The following FAM24B variants were observed in gnomAD, a reference collection of about 807,000 sequenced individuals.
FAM24B encodes family with sequence similarity 24 member B.
In FAM24B, 3 loss-of-function variants were observed where a neutral mutation model predicts 2.3. That is an observed-to-expected ratio of 1.29 (90% CI 0.59 to 3.32). The LOEUF (loss-of-function observed/expected upper bound fraction) is 3.32, where lower values mean the gene tolerates loss of function less well. Among genes scored for constraint, FAM24B ranks in the 30% most tolerant of loss-of-function variants. The probability of loss-of-function intolerance (pLI) is 0.03; values close to 1 mark genes in which losing one functional copy is unlikely to be tolerated. For synonymous variants in FAM24B, 36 were observed against 46.3 expected, an observed-to-expected ratio of 0.78 and a Z score of 0.90; for missense variants, 98 against 117.2, an observed-to-expected ratio of 0.84 and a Z score of 0.76.
intron 2 of FAM24B, among the ~76,000 whole-genome samples, chr10:122,852,001 C>CAA (rs1566247290): frequency 1.3e-5 from 2 of 151,904 alleles, no homozygotes; most frequent in African/African-American, 4.8e-5. Flanking sequence ...TTGGGATTGA[C>CAA]AGAAGAATCA....
At chr10:122,871,321 T>C (rs1363895019) in intron 1 of FAM24B, among the ~76,000 whole-genome samples, 1 of 152,214 alleles carries the variant, frequency 6.6e-6, no homozygotes, top group Non-Finnish European at 1.5e-5. Flanking sequence ...TCCATGCTCA[T>C]GGGTAGGAAG....
chr10:122,856,198 G>A (rs753649054), intron 1 of FAM24B, among the ~76,000 whole-genome samples: 1 of 152,088 alleles, frequency 6.6e-6, no homozygotes, highest in Non-Finnish European at 1.5e-5. Flanking sequence ...TCACATCTTT[G>A]CCATGGCACA....
intron 1 of FAM24B, among the ~76,000 whole-genome samples, chr10:122,867,953 C>T (rs369465551): frequency 6.6e-6 from 1 of 152,214 alleles, no homozygotes; most frequent in South Asian, 2.1e-4. Context: ...ATGACTTTGA[C>T]GAGTTGAGAG....
intron 1 of FAM24B, among the ~76,000 whole-genome samples, chr10:122,877,874 A>G (rs1848001612): frequency 6.6e-6 from 1 of 152,198 alleles, no homozygotes; most frequent in Non-Finnish European, 1.5e-5. Flanking sequence ...TAGAGTTCCC[A>G]AACAACCCCT....
rs190183538 is a variant in FAM24B, at chr10:122,874,517, T to C, written c.-178+4968A>G. On this transcript the variant is annotated intron_variant, in intron 1 of 3. Transcript: ENST00000368898. ...TCCTTCACTTCTGAAAGGTAATTCTTGTGGATACATTCTAGGTTGGTGTGA... is the reference window on the plus strand; with the variant it reads ...TCCTTCACTTCTGAAAGGTAATTCTCGTGGATACATTCTAGGTTGGTGTGA... Among the ~76,000 whole-genome samples the C allele has an allele frequency of 2.6e-5, 4 of 152,330 alleles. No homozygotes were observed. In the East Asian group the frequency reaches 7.7e-4, roughly 29 times the overall value.
In FAM24B at chr10:122,850,018, C is replaced by G. The variant is rs2280710; in HGVS notation, c.92+406G>C. On this transcript the variant is annotated intron_variant, in intron 3 of 3. Coordinates refer to ENST00000368898, the MANE Select transcript of FAM24B (RefSeq NM_152644.3). ...GCAAGAAGAGATCAATCCAGCCCGT[C>G]CTCCACATGAGCACAAGGCAGAGCT... is the stretch of plus-strand genomic sequence containing the variant. 6.8e-3 allele frequency among the ~76,000 whole-genome samples: 1,039 copies of G among 152,252 alleles called. 11 individuals carry two copies. The highest frequency in any genetic ancestry group is 0.017 in the African/African-American group (721 of 41,534).
chr10:122,850,932 A>T (rs1338933905), intron 2 of FAM24B: 1 of 171,318 alleles, frequency 5.8e-6, no homozygotes, highest in Admixed American at 5.8e-5. Context: ...ACTCATTTTC[A>T]GAGTCAGAAA....
At chr10:122,851,894 AAAGAT>A (rs1337734135) in intron 2 of FAM24B, among the ~76,000 whole-genome samples, 1 of 152,218 alleles carries the variant, frequency 6.6e-6, no homozygotes, top group East Asian at 1.9e-4. Context: ...AAATACCAAT[AAAGAT>A]AAAAATTATC....
chr10:122,872,031 C>A (rs1167681618), intron 1 of FAM24B, among the ~76,000 whole-genome samples: 2 of 152,054 alleles, frequency 1.3e-5, no homozygotes, highest in Non-Finnish European at 2.9e-5. Context: ...ATTTTTGCAA[C>A]CTACTCATCT....
intron 1 of FAM24B, among the ~76,000 whole-genome samples, chr10:122,866,894 A>C (rs1353403276): frequency 1.3e-5 from 2 of 152,204 alleles, no homozygotes; most frequent in Non-Finnish European, 2.9e-5. Context: ...ATTTTAAATC[A>C]AAAGCTAGAA....
intron 1 of FAM24B, among the ~76,000 whole-genome samples, chr10:122,876,910 G>A (rs1484742217): frequency 6.6e-6 from 1 of 152,174 alleles, no homozygotes; most frequent in Non-Finnish European, 1.5e-5. Context: ...GAGGGTAAAA[G>A]GTCCTGGGAC....
intron 2 of FAM24B, among the ~76,000 whole-genome samples, chr10:122,852,956 T>C (rs1847568050): frequency 6.6e-6 from 1 of 152,224 alleles, no homozygotes. Context: ...TGGGGCTCTT[T>C]TGTCTGAACC....
intron 1 of FAM24B, among the ~76,000 whole-genome samples, chr10:122,864,549 A>G (rs55755525): frequency 0.011 from 1,665 of 152,338 alleles, 30 homozygotes; most frequent in African/African-American, 0.038. Flanking sequence ...TGCATTTGTT[A>G]CAATTAATGG....
chr10:122,868,910 C>T (rs2133837793), intron 1 of FAM24B, among the ~76,000 whole-genome samples: 1 of 152,224 alleles, frequency 6.6e-6, no homozygotes, highest in Non-Finnish European at 1.5e-5. Context: ...ATCATAATGA[C>T]AGGATAAAAT....
rs145088998 is a variant in FAM24B at position 122,869,792 on chromosome 10, G to C, written c.-178+9693C>G. 6.4e-3 allele frequency among the ~76,000 whole-genome samples: 976 copies of C among 152,286 alleles called. 8 individuals are homozygous for C. Among genetic ancestry groups the C allele is most frequent in the African/African-American group, 0.016 (664 of 41,556 alleles). On this transcript the variant is annotated intron_variant, in intron 1 of 3. Transcript: ENST00000368898. ...TGGGACACATTCAAAGCAGTGTGTA[G>C]AGGGAAATTTATAGCACTAAATGCC...
intron 1 of FAM24B, among the ~76,000 whole-genome samples, chr10:122,874,027 T>C (rs1847940780): frequency 6.6e-6 from 1 of 152,204 alleles, no homozygotes; most frequent in Admixed American, 6.5e-5. Flanking sequence ...GGGTGTTTTA[T>C]GGCCTAGAAT....
In FAM24B at chr10:122,850,426, T is replaced by C. The variant is rs1357287721; in HGVS notation, c.90A>G (p.Leu30=). 1 of 1,613,478 alleles carries C rather than the reference T, an allele frequency of 6.2e-7. No individual in the cohort carries two copies. Among genetic ancestry groups the C allele is most frequent in the South Asian group, 1.1e-5 (1 of 91,072 alleles). Residue 30 remains leucine (L), a splice_region_variant and synonymous_variant, in exon 3 of 4, where the codon CTA becomes CTG. Transcript: ENST00000368898. The stretch of plus-strand genomic sequence containing the variant: ...TTTATTTTGAACTTGTGACTCACTT[T>C]AGCGCGTTGTGTATTTTGAAGTAAA... ...LCLYFKIHNA[L]KAAKEPEAVA... is the part of the protein sequence containing the mutation.
At chr10:122,871,796 T>C (rs2133840484) in intron 1 of FAM24B, among the ~76,000 whole-genome samples, 1 of 152,140 alleles carries the variant, frequency 6.6e-6, no homozygotes, top group African/African-American at 2.4e-5. Flanking sequence ...TCAAGATGGA[T>C]TAAAGACTTA....
At chr10:122,862,154 T>A (rs991800199) in intron 1 of FAM24B, among the ~76,000 whole-genome samples, 2 of 152,180 alleles carry the variant, frequency 1.3e-5, no homozygotes, top group Non-Finnish European at 2.9e-5. Context: ...GCATTCCTCT[T>A]TATGTCTTTG....
Sources: gnomAD v4.1 joint callset for allele counts (sites outside exome capture counted in the v4.1 genomes callset) on GRCh38, gnomAD v4.1.1 for gene constraint, MANE v1.5 for transcripts, NCBI Gene and HGNC (gene_info 2026-07-23, HGNC 2026-07-21) for gene names.